Variants in PARD3B observed in about 807,000 individuals in gnomAD.
PARD3B encodes the protein par-3 family cell polarity regulator beta, also known as partitioning defective 3 homolog B.
A neutral mutation model predicts 130.2 loss-of-function variants in PARD3B; 103 were observed. The observed-to-expected ratio is 0.79, with a 90% CI of 0.67 to 0.93. The LOEUF is 0.93. PARD3B is among the 40% of genes least tolerant of loss of function. The pLI, the probability that PARD3B is intolerant of heterozygous loss-of-function variation, is 0.00. For synonymous variants in PARD3B, 583 were observed against 553.2 expected (o/e 1.05, Z -0.76); for missense variants, 1,609 against 1,499.2 (o/e 1.07, Z -1.21).
In PARD3B at chr2:205,240,222, T is replaced by C. The variant is rs149012264; in HGVS notation, c.2141-5556T>C. 2.7e-3 allele frequency among the ~76,000 whole-genome samples: 417 copies of C among 152,274 alleles called. 3 individuals are homozygous for C. Among genetic ancestry groups the C allele is most frequent in the African/African-American group, 9.5e-3 (396 of 41,558 alleles). ...ATTGATCTGCTAAAGGAGAGGAAAA[T>C]TGATTTTTAATATTGGCAACTACAT... is the stretch of plus-strand genomic sequence containing the variant. On this transcript the variant is annotated intron_variant, in intron 15 of 22. Transcript: ENST00000406610.
intron 2 of PARD3B, among the ~76,000 whole-genome samples, chr2:204,849,165 G>A (rs2044598956): frequency 6.6e-6 from 1 of 152,040 alleles, no homozygotes; most frequent in South Asian, 2.1e-4. Flanking sequence ...TGAGATTTAA[G>A]AGTCAAATTT....
chr2:204,994,222 T>C lies in PARD3B; in HGVS notation c.394+28899T>C, dbSNP rs559094738. On this transcript the variant is annotated intron_variant, in intron 3 of 22. Transcript: ENST00000406610. ...GCTTTCTCTTGTAGGCATTTAGTGCTATAAATTTCCCTCTACACACTGCTT... is the reference window on the plus strand; with the variant it reads ...GCTTTCTCTTGTAGGCATTTAGTGCCATAAATTTCCCTCTACACACTGCTT... Among the ~76,000 whole-genome samples, 1,066 of 132,822 alleles carry C rather than the reference T, an allele frequency of 8.0e-3. 17 individuals are homozygous for C. The highest frequency in any genetic ancestry group is 0.029 in the African/African-American group (996 of 34,864). 87.1% of individuals were successfully genotyped at this position (132,822 alleles called of 152,430 possible). A position where few individuals can be genotyped will look rare whatever the true frequency, so the allele number is the denominator to read the frequency against.
chr2:204,937,760 CT>C (rs1688580444), intron 2 of PARD3B, among the ~76,000 whole-genome samples: 1 of 152,228 alleles, frequency 6.6e-6, no homozygotes, highest in South Asian at 2.1e-4. Flanking sequence ...CTTCTTTTAT[CT>C]TTGCTTCTTC....
chr2:205,136,157 A>G (rs1575910155), intron 10 of PARD3B, among the ~76,000 whole-genome samples: 1 of 152,054 alleles, frequency 6.6e-6, no homozygotes, highest in Non-Finnish European at 1.5e-5. Context: ...TGCCCCCCAC[A>G]CACCAAAAAA....
intron 3 of PARD3B, among the ~76,000 whole-genome samples, chr2:204,991,310 A>G (rs1306334398): frequency 6.9e-6 from 1 of 145,354 alleles, no homozygotes; most frequent in African/African-American, 2.6e-5. Flanking sequence ...CCCACCTATG[A>G]GTGAGAATAT....
chr2:205,392,649 G>A (rs1445219417), intron 18 of PARD3B, among the ~76,000 whole-genome samples: 4 of 152,164 alleles, frequency 2.6e-5, no homozygotes, highest in Non-Finnish European at 5.9e-5. Flanking sequence ...CGTTATTAAA[G>A]CATCAACTCA....
chr2:205,034,195 C>T (rs760189035), intron 3 of PARD3B, among the ~76,000 whole-genome samples: 63 of 152,126 alleles, frequency 4.1e-4, no homozygotes, highest in Non-Finnish European at 6.6e-4. Flanking sequence ...GTCTTTGCGC[C>T]TGTAGCTTTG....
At position 205,562,752 on chromosome 2, in the gene PARD3B, T is replaced by G. The variant is rs1179799461; in HGVS notation, c.3260+9349T>G. Among the ~76,000 whole-genome samples, 1 of 152,210 alleles carries G rather than the reference T, an allele frequency of 6.6e-6. No individual in the cohort carries two copies. Among genetic ancestry groups the G allele is most frequent in the African/African-American group, 2.4e-5 (1 of 41,440 alleles). On this transcript the variant is annotated intron_variant, in intron 22 of 22. Coordinates refer to ENST00000406610, the MANE Select transcript of PARD3B (RefSeq NM_001302769.2). This position sits in a 1 kb window ranked among gnomAD's most constrained non-coding sequence, Gnocchi z 5.4. ...TATTGCCATTCCACCATCTGCCTCC[T>G]AATGCTCATTGCCCTGGAATTATGG...
chr2:205,306,153 G>A (rs181386682), intron 18 of PARD3B, among the ~76,000 whole-genome samples: 2 of 152,242 alleles, frequency 1.3e-5, no homozygotes, highest in African/African-American at 4.8e-5. Context: ...AGGAATGTAG[G>A]CAGCCTCTAG....
At chr2:205,483,583 T>A (rs1039965794) in intron 20 of PARD3B, among the ~76,000 whole-genome samples, 1 of 152,202 alleles carries the variant, frequency 6.6e-6, no homozygotes, top group Non-Finnish European at 1.5e-5. Context: ...TTTTCTTTCC[T>A]CGCTCTCCCT....
chr2:204,753,444 G>GA (rs1199762251), intron 2 of PARD3B, among the ~76,000 whole-genome samples: 1 of 152,026 alleles, frequency 6.6e-6, no homozygotes, highest in African/African-American at 2.4e-5. Context: ...ATAGTTACTA[G>GA]AAAAAATTTC....
chr2:204,565,018 C>T (rs1457142344), intron 1 of PARD3B, among the ~76,000 whole-genome samples: 1 of 152,218 alleles, frequency 6.6e-6, no homozygotes, highest in Non-Finnish European at 1.5e-5. Flanking sequence ...AGGCTATGCT[C>T]TCATCTGGAG....
chr2:205,167,481 G>A (rs1473675565), intron 11 of PARD3B, among the ~76,000 whole-genome samples: 2 of 152,138 alleles, frequency 1.3e-5, no homozygotes, highest in African/African-American at 4.8e-5. Context: ...GGGCTGCAGA[G>A]TGACCCAGAC....
intron 2 of PARD3B, among the ~76,000 whole-genome samples, chr2:204,840,295 T>G (rs940218503): frequency 2.0e-5 from 3 of 152,168 alleles, no homozygotes; most frequent in Non-Finnish European, 4.4e-5. Context: ...TGAATGACCC[T>G]TAGCAATATT....
Position 205,195,471 on chromosome 2 carries a change from A to C in PARD3B, c.2140+2151A>C, listed in dbSNP as rs142569906. Among the ~76,000 whole-genome samples, 42 of 152,276 alleles carry C rather than the reference A, an allele frequency of 2.8e-4. 1 individual carries two copies. In the East Asian group the frequency reaches 7.2e-3, roughly 26 times the overall value. ...GAGTCAGCATTCTAGTACCATTTTG[A>C]TCCCTTCTCCCCAGAACAGTCAAGT... On this transcript the variant is annotated intron_variant, in intron 15 of 22. Coordinates refer to ENST00000406610, the MANE Select transcript of PARD3B (RefSeq NM_001302769.2).
At chr2:204,650,836 T>C (rs2035450852) in intron 1 of PARD3B, among the ~76,000 whole-genome samples, 1 of 152,042 alleles carries the variant, frequency 6.6e-6, no homozygotes, top group Non-Finnish European at 1.5e-5. Context: ...AGGACTCTTA[T>C]GATCATGGTG....
intron 1 of PARD3B, among the ~76,000 whole-genome samples, chr2:204,628,907 G>A (rs2034580626): frequency 1.3e-5 from 2 of 152,126 alleles, no homozygotes; most frequent in South Asian, 4.1e-4. Flanking sequence ...ATAGGATGAA[G>A]AAAGCAAACA....
intron 1 of PARD3B, among the ~76,000 whole-genome samples, chr2:204,591,935 T>G (rs1295964099): frequency 6.6e-6 from 1 of 152,262 alleles, no homozygotes; most frequent in Non-Finnish European, 1.5e-5. Context: ...AACTTTTTAG[T>G]GTGCTAAAGT....
intron 2 of PARD3B, among the ~76,000 whole-genome samples, chr2:204,763,052 G>A (rs534430821): frequency 4.6e-4 from 70 of 152,242 alleles, no homozygotes; most frequent in African/African-American, 1.7e-3. Flanking sequence ...GAGCCACTGC[G>A]CCCGGCCTTG....
Sources: allele counts gnomAD v4.1 joint callset (sites outside exome capture counted in the v4.1 genomes callset), GRCh38; gene constraint gnomAD v4.1.1; non-coding constraint Gnocchi (gnomAD v3.1); transcripts MANE v1.5; gene names NCBI Gene and HGNC (gene_info 2026-07-23, HGNC 2026-07-21).